The following MICAL3 variants were observed in gnomAD, a reference collection of about 807,000 sequenced individuals.
MICAL3 encodes the protein [F-actin]-monooxygenase MICAL3.
A neutral mutation model predicts 207.4 loss-of-function variants in MICAL3; 62 were observed. The ratio of observed to expected loss-of-function variants is 0.30; its 90% CI spans 0.24 to 0.37. MICAL3 has a LOEUF of 0.37. MICAL3 is among the 10% of genes least tolerant of loss of function. MICAL3 has a pLI of 1.00. For missense variants in MICAL3, 2,368 were observed against 2,635.6 expected (o/e 0.90, Z 2.22); for synonymous variants, 1,077 against 1,069.3 (o/e 1.01, Z -0.14).
At chr22:17,853,029 C>T (rs559766106) in intron 19 of MICAL3, among the ~76,000 whole-genome samples, 57 of 151,158 alleles carry the variant, frequency 3.8e-4, no homozygotes, top group Non-Finnish European at 5.6e-4. Flanking sequence ...GAGCCAAGAT[C>T]GCACTGCTGC....
At chr22:17,904,551 A>G (rs1387417710) in intron 3 of MICAL3, 81 bp downstream of exon 3, 1 of 1,063,206 alleles carries the variant, frequency 9.4e-7, no homozygotes, top group Non-Finnish European at 1.5e-6. Context: ...TGAATTCCTC[A>G]GCTAATCTGC....
In MICAL3 at chr22:17,899,278, C is replaced by A. The variant is rs528520353; in HGVS notation, c.948+170G>T. The A allele has an allele frequency of 4.4e-6, 3 of 689,000 alleles. No homozygotes were observed. In the East Asian group the frequency reaches 8.3e-5, roughly 19 times the overall value. The allele number at this position is 689,000 out of a possible 1,614,324, so 42.7% of individuals were successfully genotyped here. On this transcript the variant is annotated intron_variant, in intron 7 of 31. Transcript: ENST00000441493. ...CGTTTTTATTTACATTTGAAATTAGCCATAGTTAAGAGTTGTTCACGCTAA... is the reference window on the plus strand; with the variant it reads ...CGTTTTTATTTACATTTGAAATTAGACATAGTTAAGAGTTGTTCACGCTAA...
At chr22:17,901,114 G>T (rs781624774) in intron 5 of MICAL3, 117 bp from the exon 6 acceptor site, 18 of 910,404 alleles carry the variant, frequency 2.0e-5, no homozygotes, top group Non-Finnish European at 2.6e-5. Flanking sequence ...AGAACTGATG[G>T]GAAAGTTAGG....
intron 1 of MICAL3, among the ~76,000 whole-genome samples, chr22:18,003,869 A>G (rs922352803): frequency 2.6e-5 from 4 of 151,976 alleles, no homozygotes; most frequent in African/African-American, 9.7e-5. Context: ...TCCCGGGTTC[A>G]ACTGATTCTC....
At chr22:17,833,261 G>A (rs1267662139) in intron 20 of MICAL3, among the ~76,000 whole-genome samples, 1 of 152,194 alleles carries the variant, frequency 6.6e-6, no homozygotes, top group African/African-American at 2.4e-5. Context: ...GTTTCTGAGT[G>A]TTTCGTGGTC....
At chr22:17,832,980 C>G (rs1012059922) in intron 20 of MICAL3, among the ~76,000 whole-genome samples, 13 of 152,186 alleles carry the variant, frequency 8.5e-5, no homozygotes, top group Admixed American at 5.2e-4. Flanking sequence ...AACCCCAGGG[C>G]CATCGCTCCT....
chr22:17,837,177 C>G (rs889722506), intron 20 of MICAL3, among the ~76,000 whole-genome samples: 5 of 152,204 alleles, frequency 3.3e-5, no homozygotes, highest in South Asian at 2.1e-4. Context: ...GCATCCTGCT[C>G]GGCAATGGCT....
At chr22:17,862,515 C>T in intron 19 of MICAL3, 2 of 887,338 alleles carry the variant, frequency 2.3e-6, no homozygotes, top group Non-Finnish European at 2.7e-6. Context: ...CCGCCTCGGC[C>T]TCCCAAAGTG....
At chr22:17,858,640 G>A (rs776784021) in intron 19 of MICAL3, among the ~76,000 whole-genome samples, 1 of 152,160 alleles carries the variant, frequency 6.6e-6, no homozygotes, top group Admixed American at 6.5e-5. Flanking sequence ...TGTGTGCCAC[G>A]GCCTCCCTCT....
At chr22:18,015,655 G>A (rs1010984163) in intron 1 of MICAL3, among the ~76,000 whole-genome samples, 1 of 151,948 alleles carries the variant, frequency 6.6e-6, no homozygotes, top group African/African-American at 2.4e-5. Flanking sequence ...CAGGTGATCT[G>A]CCTGTCATGG....
intron 1 of MICAL3, among the ~76,000 whole-genome samples, chr22:18,008,250 A>G (rs779060202): frequency 3.9e-5 from 6 of 152,140 alleles, no homozygotes; most frequent in Non-Finnish European, 5.9e-5. Context: ...AGAAAAAAAA[A>G]GCATGGTGCA....
At position 17,975,834 on chromosome 22, in the gene MICAL3, C is replaced by T. The variant is rs141670931; in HGVS notation, c.-75+48447G>A. On this transcript the variant is annotated intron_variant, in intron 1 of 31. Transcript: ENST00000441493. Reference sequence around the variant, plus strand: ...TTGGGAGGCTGAGGTGGGCAGATCACGAGGTCAGAAGTTTGAGGCCAGCCT... The same window carrying T: ...TTGGGAGGCTGAGGTGGGCAGATCATGAGGTCAGAAGTTTGAGGCCAGCCT... Among the ~76,000 whole-genome samples the T allele has an allele frequency of 1.4e-3, 212 of 152,198 alleles. 1 individual carries two copies. Among genetic ancestry groups the T allele is most frequent in the African/African-American group, 4.8e-3 (201 of 41,500 alleles).
intron 11 of MICAL3, 81 bp downstream of exon 11, chr22:17,893,727 C>T (rs145091409): frequency 1.7e-5 from 18 of 1,056,884 alleles, no homozygotes; most frequent in East Asian, 5.2e-5. Flanking sequence ...TGCCTCGGAC[C>T]GCACCTTGTG....
At chr22:17,881,079 C>A (rs140381398) in intron 16 of MICAL3, 3 of 846,462 alleles carry the variant, frequency 3.5e-6, no homozygotes, top group East Asian at 5.1e-5. Flanking sequence ...ACGGTTTCTA[C>A]GCATAGCCTT....
At chr22:17,992,391 T>C (rs777457708) in intron 1 of MICAL3, among the ~76,000 whole-genome samples, 1 of 152,220 alleles carries the variant, frequency 6.6e-6, no homozygotes, top group Non-Finnish European at 1.5e-5. Context: ...ATTTTACTAG[T>C]TGGCATAAAT....
chr22:17,898,696 T>G (rs545407442), intron 7 of MICAL3, among the ~76,000 whole-genome samples: 2 of 152,318 alleles, frequency 1.3e-5, no homozygotes, highest in East Asian at 3.9e-4. Flanking sequence ...TTGAGACCAG[T>G]GAGACCAGGA....
chr22:17,940,147 CAATT>C (rs919246027), intron 1 of MICAL3, among the ~76,000 whole-genome samples: 16 of 152,348 alleles, frequency 1.1e-4, no homozygotes, highest in South Asian at 6.2e-4. Flanking sequence ...ATGTATCAAT[CAATT>C]GTCATTTTAC....
intron 13 of MICAL3, among the ~76,000 whole-genome samples, chr22:17,888,793 G>A (rs141565638): frequency 1.3e-5 from 2 of 152,326 alleles, no homozygotes; most frequent in East Asian, 1.9e-4. Flanking sequence ...AGACGGCACA[G>A]GAACGATTTC....
chr22:17,881,523 G>C (rs1321256041), intron 16 of MICAL3, among the ~76,000 whole-genome samples: 1 of 151,840 alleles, frequency 6.6e-6, no homozygotes, highest in African/African-American at 2.4e-5. Context: ...TGCGGGACTG[G>C]GGAGAACCAG....
Sources: gnomAD v4.1 joint callset for allele counts (sites outside exome capture counted in the v4.1 genomes callset) on GRCh38, gnomAD v4.1.1 for gene constraint, MANE v1.5 for transcripts, NCBI Gene and HGNC (gene_info 2026-07-23, HGNC 2026-07-21) for gene names.